C13orf46: variants seen among roughly 807,000 people sequenced by gnomAD.
C13orf46 encodes the protein chromosome 13 open reading frame 46.
chr13:113,972,448 G>C (rs952346957), intron 1 of C13orf46, among the ~76,000 whole-genome samples: 1 of 152,182 alleles, frequency 6.6e-6, no homozygotes, highest in Non-Finnish European at 1.5e-5. Context: ...TCACTTCCAC[G>C]GCCCCGTGGA....
chr13:113,945,327 C>T, the C13orf46 span, among the ~76,000 whole-genome samples: 1 of 151,952 alleles, frequency 6.6e-6, no homozygotes, highest in Non-Finnish European at 1.5e-5. Context: ...AGGCGGATCA[C>T]GAGGTCAGGA....
chr13:113,959,779 T>G (rs2052573073), intron 6 of C13orf46, among the ~76,000 whole-genome samples: 1 of 152,218 alleles, frequency 6.6e-6, no homozygotes, highest in African/African-American at 2.4e-5. Context: ...ATCTCTCTTT[T>G]TATCCTGAAG....
the C13orf46 span, chr13:113,927,415 T>C: frequency 1.5e-5 from 6 of 396,668 alleles, no homozygotes; most frequent in Admixed American, 2.6e-4. Flanking sequence ...CTCTCCACCC[T>C]CTTTCCATCC....
chr13:113,947,379 T>C, the C13orf46 span, among the ~76,000 whole-genome samples: 1 of 152,098 alleles, frequency 6.6e-6, no homozygotes, highest in Non-Finnish European at 1.5e-5. Context: ...CCGCTCCAGA[T>C]GGGCAGGGCA....
At chr13:113,958,236 C>T (rs1281939535) in intron 6 of C13orf46, among the ~76,000 whole-genome samples, 5 of 151,192 alleles carry the variant, frequency 3.3e-5, no homozygotes, top group African/African-American at 1.2e-4. Context: ...CATGCACCCC[C>T]TTTCATCAAG....
At chr13:113,958,890 C>G (rs2052564606) in intron 6 of C13orf46, among the ~76,000 whole-genome samples, 2 of 152,180 alleles carry the variant, frequency 1.3e-5, no homozygotes, top group Admixed American at 1.3e-4. Context: ...GGGTCCTCTC[C>G]TGGGGCTGTG....
the C13orf46 span, among the ~76,000 whole-genome samples, chr13:113,943,570 C>G: frequency 1.3e-5 from 2 of 152,194 alleles, no homozygotes; most frequent in African/African-American, 4.8e-5. Flanking sequence ...GACTTCAGGT[C>G]TGTGTGGACG....
intron 1 of C13orf46, among the ~76,000 whole-genome samples, chr13:113,972,968 G>A (rs1161456510): frequency 2.0e-5 from 3 of 152,184 alleles, no homozygotes; most frequent in Admixed American, 2.0e-4. Context: ...GTGGGTTACG[G>A]GTGTGGACCT....
At chr13:113,947,008 T>C in the C13orf46 span, among the ~76,000 whole-genome samples, 3 of 152,198 alleles carry the variant, frequency 2.0e-5, no homozygotes, top group Non-Finnish European at 2.9e-5. Flanking sequence ...TCTCTGGCTG[T>C]GGCCAGCACT....
chr13:113,965,745 G>C (rs1038758493), intron 5 of C13orf46, among the ~76,000 whole-genome samples: 4 of 72,396 alleles, frequency 5.5e-5, no homozygotes, highest in Non-Finnish European at 9.8e-5. Context: ...AGGTGATGAT[G>C]GTGATGATGG....
the C13orf46 span, among the ~76,000 whole-genome samples, chr13:113,942,836 T>G: frequency 3.1e-3 from 475 of 152,222 alleles, 2 homozygotes; most frequent in African/African-American, 0.011. Context: ...TCCTCTGGCG[T>G]CTCCTTGGAC....
chr13:113,945,581 G>A, the C13orf46 span, among the ~76,000 whole-genome samples: 25 of 135,802 alleles, frequency 1.8e-4, no homozygotes, highest in Admixed American at 3.1e-4. Flanking sequence ...AAGAAAGAGA[G>A]AGAGAGAGAG....
downstream of C13orf46, among the ~76,000 whole-genome samples, chr13:113,950,089 G>A (rs1409833537): frequency 1.4e-3 from 139 of 102,328 alleles, no homozygotes; most frequent in African/African-American, 5.1e-3. Flanking sequence ...CCCATCTGTA[G>A]AGTGGGGTCA....
the C13orf46 span, among the ~76,000 whole-genome samples, chr13:113,946,842 G>A: frequency 2.0e-5 from 3 of 152,266 alleles, no homozygotes; most frequent in African/African-American, 7.2e-5. Flanking sequence ...TCTCACAGTT[G>A]GGGAACAGCA....
At chr13:113,934,552 G>A in the C13orf46 span, among the ~76,000 whole-genome samples, 7 of 152,202 alleles carry the variant, frequency 4.6e-5, no homozygotes, top group East Asian at 7.7e-4. Flanking sequence ...TCCAACCAAG[G>A]TGCCAAGACA....
chr13:113,973,224 T>C (rs571972170), intron 1 of C13orf46, among the ~76,000 whole-genome samples: 1 of 152,340 alleles, frequency 6.6e-6, no homozygotes, highest in East Asian at 1.9e-4. Context: ...AAATTCCTTG[T>C]GAGCCTTAAG....
At chr13:113,943,053 C>G in the C13orf46 span, among the ~76,000 whole-genome samples, 1 of 152,332 alleles carries the variant, frequency 6.6e-6, no homozygotes, top group Admixed American at 6.5e-5. Flanking sequence ...CACTGAGGCT[C>G]GGCTCCATTT....
In C13orf46 at chr13:113,967,352, G is replaced by A. The variant is rs2052659934; in HGVS notation, c.493C>T (p.His165Tyr). 6.6e-6 allele frequency: 1 copy of A among 152,214 alleles called. No homozygotes were observed. The highest frequency in any genetic ancestry group is 1.5e-5 in the Non-Finnish European group (1 of 68,062). The allele number at this position is 152,214 out of a possible 1,614,324, so 9.4% of individuals were successfully genotyped here. Reference sequence around the variant, plus strand: ...TTTTCCATTTTTACCTCCTCAGCATGGTCTCCCAGATCAATCTCCACAAAC... The same window carrying A: ...TTTTCCATTTTTACCTCCTCAGCATAGTCTCCCAGATCAATCTCCACAAAC... The part of the protein sequence containing the change: ...SVFVEIDLGD[H>Y]AEEVVTDAKK... The change falls in exon 5 of 7, where the codon CAT becomes TAT. Residue 165 changes from histidine to tyrosine, a missense_variant. Transcript: ENST00000636427.
intron 4 of C13orf46, among the ~76,000 whole-genome samples, chr13:113,968,084 C>G (rs2052667415): frequency 6.6e-6 from 1 of 152,216 alleles, no homozygotes; most frequent in African/African-American, 2.4e-5. Context: ...GGAGGGAGAA[C>G]AAAAGCCACT....
Sources: gnomAD v4.1 joint callset for allele counts (sites outside exome capture counted in the v4.1 genomes callset) on GRCh38, gnomAD v4.1.1 for gene constraint, MANE v1.5 for transcripts, NCBI Gene and HGNC (gene_info 2026-07-23, HGNC 2026-07-21) for gene names.